THADA: variants seen among roughly 807,000 people sequenced by gnomAD.
THADA encodes the protein THADA armadillo repeat containing, also known as tRNA (32-2'-O)-methyltransferase regulator THADA.
In THADA, 213 loss-of-function variants were observed where a neutral mutation model predicts 219.8. That is an observed-to-expected ratio of 0.97 (90% confidence interval 0.87 to 1.09). The LOEUF (loss-of-function observed/expected upper bound fraction) is 1.09. Among genes scored for constraint, THADA ranks in the 50% least tolerant of loss-of-function variants. The pLI, the probability that THADA is intolerant of heterozygous loss-of-function variation, is 0.00. For synonymous variants in THADA, 1,018 were observed against 828.9 expected, an observed-to-expected ratio of 1.23 and a Z score of -3.92; for missense variants, 2,956 against 2,311.3, an observed-to-expected ratio of 1.28 and a Z score of -5.72.
intron 25 of THADA, among the ~76,000 whole-genome samples, chr2:43,491,587 G>A (rs59520157): frequency 0.011 from 1,624 of 152,208 alleles, 26 homozygotes; most frequent in African/African-American, 0.036. Context: ...TTAACACTGT[G>A]TTACAAATGC....
intron 15 of THADA, chr2:43,562,920 C>G (rs1161721167): frequency 6.6e-6 from 1 of 152,070 alleles, no homozygotes; most frequent in East Asian, 1.9e-4. Context: ...AGAAATGTTC[C>G]TACTTTCATT....
chr2:43,439,748 A>G (rs944313527), intron 26 of THADA, among the ~76,000 whole-genome samples: 1 of 152,202 alleles, frequency 6.6e-6, no homozygotes, highest in African/African-American at 2.4e-5. Context: ...CCATGGTTCG[A>G]GGCATCCACT....
chr2:43,393,426 G>T (rs1673637117), intron 29 of THADA, among the ~76,000 whole-genome samples: 1 of 152,176 alleles, frequency 6.6e-6, no homozygotes, highest in South Asian at 2.1e-4. Flanking sequence ...TGTTATCTCA[G>T]CCGGGTGCGG....
chr2:43,286,673 C>T (rs749601398), intron 35 of THADA, among the ~76,000 whole-genome samples: 4 of 151,676 alleles, frequency 2.6e-5, no homozygotes, highest in African/African-American at 4.8e-5. Context: ...TGCACTAAGC[C>T]GAGATCGTAC....
intron 36 of THADA, among the ~76,000 whole-genome samples, chr2:43,268,071 A>G (rs1671724205): frequency 2.0e-5 from 3 of 152,166 alleles, no homozygotes; most frequent in Admixed American, 2.0e-4. Flanking sequence ...GTCAAGGCCA[A>G]TTCTTTGTTT....
intron 36 of THADA, among the ~76,000 whole-genome samples, chr2:43,276,169 G>A (rs1323386036): frequency 2.0e-5 from 3 of 152,142 alleles, no homozygotes; most frequent in Non-Finnish European, 4.4e-5. Flanking sequence ...CTTAAGTCCT[G>A]GAAATGTCAT....
chr2:43,554,148 G>T (rs1270335478), intron 17 of THADA, among the ~76,000 whole-genome samples: 1 of 152,026 alleles, frequency 6.6e-6, no homozygotes, highest in Non-Finnish European at 1.5e-5. Flanking sequence ...TCCCTTTGTG[G>T]CTTGTACTTT....
In THADA at chr2:43,325,241, A is replaced by T. The variant is rs1042472161; in HGVS notation, c.4344-4701T>A. Among the ~76,000 whole-genome samples the T allele has an allele frequency of 5.3e-5, 8 of 151,996 alleles. No individual in the cohort carries two copies. The South Asian group carries it at 1.5e-3, about 28-fold the overall frequency. Reference sequence around the variant, plus strand: ...CTAGAGGACAGCAGAAGTCTTGGGGAAGTCTGTGATAAATTATTCACTTTT... The same window carrying T: ...CTAGAGGACAGCAGAAGTCTTGGGGTAGTCTGTGATAAATTATTCACTTTT... On this transcript the variant is annotated intron_variant, in intron 30 of 37. Transcript: ENST00000405975.
At chr2:43,256,549 C>T (rs1670332491) in intron 36 of THADA, among the ~76,000 whole-genome samples, 1 of 150,868 alleles carries the variant, frequency 6.6e-6, no homozygotes, top group African/African-American at 2.4e-5. Flanking sequence ...GTAGCTGGAA[C>T]CACAGGCACA....
intron 31 of THADA, among the ~76,000 whole-genome samples, chr2:43,298,768 A>G (rs1250456438): frequency 1.3e-5 from 2 of 152,156 alleles, no homozygotes; most frequent in Admixed American, 1.3e-4. Context: ...CCAGGAAGCC[A>G]GGGAATGAAG....
intron 30 of THADA, among the ~76,000 whole-genome samples, chr2:43,334,905 T>G (rs985778388): frequency 2.6e-5 from 4 of 152,134 alleles, no homozygotes; most frequent in Non-Finnish European, 5.9e-5. Context: ...TCAACACAGG[T>G]GATCCCAGGT....
rs1180252488 is a variant in THADA at position 43,286,988 on chromosome 2, G to A, written c.5084C>T (p.Pro1695Leu). The part of the protein sequence containing the change: ...LVILSCEDHL[P>L]TESRLAVVEV... Reference sequence around the variant, plus strand: ...AACGACGGCCAGCCTAGACTCTGTAGGAAGATGGTCTTCACATGACAAGAT... The same window carrying A: ...AACGACGGCCAGCCTAGACTCTGTAAGAAGATGGTCTTCACATGACAAGAT... The change falls in exon 35 of 38, where the codon CCT (proline) becomes CTT (leucine). Residue 1695 changes from proline (P) to leucine (L), a missense_variant. Pro to Leu is a moderately conservative substitution (Grantham distance 98). Transcript: ENST00000405975. The A allele has an allele frequency of 2.5e-6, 4 of 1,613,992 alleles. No homozygotes were observed. Among genetic ancestry groups the A allele is most frequent in the East Asian group, 2.2e-5 (1 of 44,882 alleles).
chr2:43,466,492 C>G (rs1684252085), intron 26 of THADA, among the ~76,000 whole-genome samples: 2 of 152,134 alleles, frequency 1.3e-5, no homozygotes, highest in South Asian at 4.1e-4. Flanking sequence ...TGAGAATATT[C>G]ACGCTGCTAG....
In THADA at chr2:43,431,679, T is replaced by A. The variant is rs1369938042; in HGVS notation, c.3837-1377A>T. On this transcript the variant is annotated intron_variant, in intron 26 of 37. Coordinates refer to ENST00000405975, the MANE Select transcript of THADA (RefSeq NM_022065.5). ...TTTTTTTTTTTTTTTTTTTTTTTTT[T>A]TTTGAGACGGAGTCTCGCTCTGTCG... 5.6e-3 allele frequency among the ~76,000 whole-genome samples: 299 copies of A among 53,338 alleles called. 39 individuals are homozygous for A. Among genetic ancestry groups the A allele is most frequent in the African/African-American group, 0.022 (199 of 9,236 alleles). The allele number at this position is 53,338 out of a possible 152,430, so 35.0% of individuals were successfully genotyped here. A position where few individuals can be genotyped will look rare whatever the true frequency, so the allele number is the denominator to read the frequency against.
chr2:43,236,412 G>T (rs1274531892), intron 36 of THADA, among the ~76,000 whole-genome samples: 1 of 152,218 alleles, frequency 6.6e-6, no homozygotes, highest in African/African-American at 2.4e-5. Context: ...GAACTGCCTA[G>T]ATCTCTACTG....
chr2:43,312,248 C>T (rs913616136), intron 31 of THADA, among the ~76,000 whole-genome samples: 5 of 151,832 alleles, frequency 3.3e-5, no homozygotes, highest in Admixed American at 3.3e-4. Context: ...TTCTGAGACC[C>T]TAGTTGTTGA....
intron 36 of THADA, among the ~76,000 whole-genome samples, chr2:43,255,781 C>T (rs1244439533): frequency 1.3e-5 from 2 of 152,196 alleles, no homozygotes; most frequent in South Asian, 2.1e-4. Flanking sequence ...CTGTACTAAA[C>T]GGCTGACAGG....
chr2:43,479,883 T>C (rs1685978908), intron 26 of THADA, among the ~76,000 whole-genome samples: 1 of 152,208 alleles, frequency 6.6e-6, no homozygotes, highest in Admixed American at 6.5e-5. Flanking sequence ...ATAAAGAATC[T>C]TAAAGTCAAC....
intron 29 of THADA, among the ~76,000 whole-genome samples, chr2:43,392,669 G>A (rs1249460637): frequency 2.0e-5 from 3 of 152,048 alleles, no homozygotes; most frequent in Non-Finnish European, 2.9e-5. Flanking sequence ...AGTAAACACA[G>A]AATCTATTGG....
Sources: gnomAD v4.1 joint callset for allele counts (sites outside exome capture counted in the v4.1 genomes callset) on GRCh38, gnomAD v4.1.1 for gene constraint, MANE v1.5 for transcripts, NCBI Gene and HGNC (gene_info 2026-07-23, HGNC 2026-07-21) for gene names.